The following GALNT13 variants were observed in gnomAD, a reference collection of about 807,000 sequenced individuals.
GALNT13 encodes polypeptide N-acetylgalactosaminyltransferase 13.
In GALNT13, 28 loss-of-function variants were observed where a neutral mutation model predicts 64.2. The observed-to-expected ratio is 0.44, with a 90% confidence interval of 0.32 to 0.60. The LOEUF (loss-of-function observed/expected upper bound fraction) is 0.60. Among genes scored for constraint, GALNT13 ranks in the 20% least tolerant of loss-of-function variants. GALNT13 has a pLI of 0.05. For missense variants in GALNT13, 577 were observed against 669.8 expected (o/e 0.86, Z 1.53); for synonymous variants, 214 against 224.6 (o/e 0.95, Z 0.42).
chr2:153,139,695 G>T, the GALNT13 span, among the ~76,000 whole-genome samples: 1 of 152,018 alleles, frequency 6.6e-6, no homozygotes, highest in Non-Finnish European at 1.5e-5. Context: ...GAGGAGGACA[G>T]GTCATGCCAC....
the GALNT13 span, among the ~76,000 whole-genome samples, chr2:153,293,761 T>TTGTGTGTGTGTGTGTGTG: frequency 1.9e-5 from 2 of 104,738 alleles, no homozygotes; most frequent in Non-Finnish European, 4.5e-5. Context: ...TTTTTTCTGT[T>TTGTGTGTGTGTGTGTGTG]TGTGTGTGTG....
chr2:153,082,571 GTT>G, the GALNT13 span, among the ~76,000 whole-genome samples: 869 of 50,042 alleles, frequency 0.017, 52 homozygotes, highest in African/African-American at 0.074. Context: ...ATTTAGGCTG[GTT>G]TATATATATA....
At chr2:153,601,975 A>G in the GALNT13 span, among the ~76,000 whole-genome samples, 1 of 151,920 alleles carries the variant, frequency 6.6e-6, no homozygotes, top group Non-Finnish European at 1.5e-5. Flanking sequence ...GCCAATTAAA[A>G]TGCTTAAATT....
intron 3 of GALNT13, among the ~76,000 whole-genome samples, chr2:154,070,414 T>C (rs764511597): frequency 2.6e-5 from 4 of 152,128 alleles, no homozygotes; most frequent in African/African-American, 4.8e-5. Flanking sequence ...ACTTGAGAAG[T>C]TTTAATCTAA....
the GALNT13 span, among the ~76,000 whole-genome samples, chr2:153,618,791 A>G: frequency 1.3e-5 from 2 of 151,606 alleles, no homozygotes; most frequent in African/African-American, 2.4e-5. Context: ...GTCTCTTTTT[A>G]TGGTTTTTGT....
In GALNT13 at chr2:154,451,056, G is replaced by GT. The variant is rs1463419795; in HGVS notation, c.*507dup. On this transcript the variant is annotated 3_prime_UTR_variant, in exon 13 of 13. Coordinates refer to ENST00000392825, the MANE Select transcript of GALNT13 (RefSeq NM_052917.4). ...GAATGGTGAATTCATCTTACAAAATGTTCCAAGTTTTGGACAAGGAAAAAC... is the reference window on the plus strand; with the variant it reads ...GAATGGTGAATTCATCTTACAAAATGTTTCCAAGTTTTGGACAAGGAAAAAC... 2.6e-5 allele frequency: 4 copies of GT among 152,234 alleles called. No homozygotes were observed. The highest frequency in any genetic ancestry group is 7.2e-5 in the African/African-American group (3 of 41,394). The allele number at this position is 152,234 out of a possible 1,614,324, so 9.4% of individuals were successfully genotyped here.
intron 3 of GALNT13, among the ~76,000 whole-genome samples, chr2:153,952,906 C>CAT: frequency 6.6e-6 from 1 of 152,288 alleles, no homozygotes; most frequent in Non-Finnish European, 1.5e-5. Flanking sequence ...GGGCAGGGAG[C>CAT]ATCCATCACG....
At chr2:153,540,610 C>CCCCGG in the GALNT13 span, among the ~76,000 whole-genome samples, 2 of 152,178 alleles carry the variant, frequency 1.3e-5, no homozygotes, top group Non-Finnish European at 2.9e-5. Flanking sequence ...TGAAAGCAGC[C>CCCCGG]CCCGGGCCTG....
At chr2:153,349,482 G>A in the GALNT13 span, among the ~76,000 whole-genome samples, 3 of 152,148 alleles carry the variant, frequency 2.0e-5, no homozygotes, top group Non-Finnish European at 2.9e-5. Flanking sequence ...AAGTATTCAA[G>A]ACAGTGCTTG....
chr2:153,219,754 C>G, the GALNT13 span, among the ~76,000 whole-genome samples: 1 of 151,848 alleles, frequency 6.6e-6, no homozygotes, highest in South Asian at 2.1e-4. Flanking sequence ...ATGTAGAAAG[C>G]TCCAGATAAC....
the GALNT13 span, among the ~76,000 whole-genome samples, chr2:153,736,393 T>A: frequency 6.6e-6 from 1 of 152,282 alleles, no homozygotes; most frequent in African/African-American, 2.4e-5. Flanking sequence ...CACCTGTGGT[T>A]TCCCTACTTC....
At chr2:154,426,277 G>A (rs1277510423) in intron 11 of GALNT13, among the ~76,000 whole-genome samples, 1 of 152,214 alleles carries the variant, frequency 6.6e-6, no homozygotes, top group African/African-American at 2.4e-5. Context: ...TATGTGCCAT[G>A]TAGCTCTCTC....
At chr2:154,252,500 GTGCCCGCCACCA>G (rs374842339) in intron 7 of GALNT13, among the ~76,000 whole-genome samples, 21,865 of 151,560 alleles carry the variant, frequency 0.14, 1,603 homozygotes, top group South Asian at 0.18. Flanking sequence ...GGGACTACAG[GTGCCCGCCACCA>G]TGCCCGGCTA....
chr2:154,162,447 GA>G (rs1303935721), intron 4 of GALNT13, among the ~76,000 whole-genome samples: 1 of 152,144 alleles, frequency 6.6e-6, no homozygotes, highest in East Asian at 1.9e-4. Flanking sequence ...TTGTGGCCCA[GA>G]AAACAGGATG....
the GALNT13 span, among the ~76,000 whole-genome samples, chr2:153,855,619 C>A: frequency 7.1e-4 from 108 of 152,196 alleles, no homozygotes; most frequent in Non-Finnish European, 1.5e-3. Context: ...AAATTGTAAA[C>A]CTCATACATT....
chr2:153,257,710 T>C, the GALNT13 span, among the ~76,000 whole-genome samples: 1 of 152,216 alleles, frequency 6.6e-6, no homozygotes, highest in Non-Finnish European at 1.5e-5. Flanking sequence ...CATATTGTTT[T>C]CCTTTGACCT....
At chr2:153,856,056 A>C in the GALNT13 span, among the ~76,000 whole-genome samples, 1 of 152,170 alleles carries the variant, frequency 6.6e-6, no homozygotes, top group Non-Finnish European at 1.5e-5. Flanking sequence ...GTGGTTGTCT[A>C]AGCCTTGTGA....
At chr2:153,439,795 G>C in the GALNT13 span, among the ~76,000 whole-genome samples, 2 of 152,004 alleles carry the variant, frequency 1.3e-5, no homozygotes, top group Non-Finnish European at 1.5e-5. Context: ...TCCCTGCTTC[G>C]GCTCACACAT....
the GALNT13 span, among the ~76,000 whole-genome samples, chr2:153,178,724 CTCT>C: frequency 0.034 from 4,681 of 136,200 alleles, 123 homozygotes; most frequent in Non-Finnish European, 0.055. Context: ...TCCCATTTTT[CTCT>C]TCTTCTTTTT....
Sources: gnomAD v4.1 joint callset for allele counts (sites outside exome capture counted in the v4.1 genomes callset) on GRCh38, gnomAD v4.1.1 for gene constraint, MANE v1.5 for transcripts, NCBI Gene and HGNC (gene_info 2026-07-23, HGNC 2026-07-21) for gene names.